The following KLF10 variants were observed in gnomAD, a reference collection of about 807,000 sequenced individuals.
The protein encoded by KLF10 is Krueppel-like factor 10.
Under a neutral mutation model 31.6 loss-of-function variants are expected in KLF10, and 17 were observed. The ratio of observed to expected loss-of-function variants is 0.54; its 90% CI spans 0.37 to 0.81. The LOEUF is 0.81. Among genes scored for constraint, KLF10 ranks in the 30% least tolerant of loss-of-function variants. The probability of loss-of-function intolerance (pLI) is 0.00; values close to 1 mark genes in which losing one functional copy is unlikely to be tolerated. For synonymous variants in KLF10, 239 were observed against 215.1 expected (o/e 1.11, Z -0.97); for missense variants, 525 against 598.1 (o/e 0.88, Z 1.27).
intron 1 of KLF10, among the ~76,000 whole-genome samples, chr8:102,655,281 C>T (rs1284372412): frequency 6.6e-6 from 1 of 152,106 alleles, no homozygotes; most frequent in Non-Finnish European, 1.5e-5. Flanking sequence ...CCTCACCAGC[C>T]CTCTCGGGTC....
At chr8:102,653,599 G>T in intron 1 of KLF10, 1 of 1,368,968 alleles carries the variant, frequency 7.3e-7, no homozygotes. Context: ...TTTCAAAAAT[G>T]CATGATGCCT....
At chr8:102,651,019 C>T in intron 3 of KLF10, 130 bp downstream of exon 3, 1 of 844,042 alleles carries the variant, frequency 1.2e-6, no homozygotes, top group Non-Finnish European at 1.8e-6. Context: ...TTTGGAGGAC[C>T]TTGCACTGGT....
chr8:102,655,693 G>C lies in KLF10; in HGVS notation c.-92C>G. The C allele has an allele frequency of 1.4e-6, 2 of 1,430,284 alleles. No homozygotes were observed. The highest frequency in any genetic ancestry group is 9.7e-7 in the Non-Finnish European group (1 of 1,032,262). 88.6% of individuals were successfully genotyped at this position (1,430,284 alleles called of 1,614,324 possible). A position where few individuals can be genotyped will look rare whatever the true frequency, so the allele number is the denominator to read the frequency against. ...CGGGCGCACGGAGACACTCGACGCCGCTCCCGCCGCCGCCGCGCTCAGCGC... is the reference window on the plus strand; with the variant it reads ...CGGGCGCACGGAGACACTCGACGCCCCTCCCGCCGCCGCCGCGCTCAGCGC... On this transcript the variant is annotated 5_prime_UTR_variant, in exon 1 of 4. Transcript: ENST00000285407.
chr8:102,653,365 TTGA>T (rs1374354360), intron 1 of KLF10: 28 of 1,004,570 alleles, frequency 2.8e-5, no homozygotes, highest in Non-Finnish European at 2.8e-5. Context: ...AAAGAACTGC[TTGA>T]TGACAAAATA....
intron 1 of KLF10, chr8:102,653,919 A>G: frequency 3.0e-6 from 3 of 983,774 alleles, no homozygotes; most frequent in African/African-American, 1.8e-5. Flanking sequence ...GGCGGGGGAG[A>G]TCCTAGCTGG....
At position 102,651,720 on chromosome 8, in the gene KLF10, A is replaced by G; in HGVS notation, c.612T>C (p.Ala204=). The G allele has an allele frequency of 6.2e-7, 1 of 1,614,238 alleles. No individual in the cohort carries two copies. Among genetic ancestry groups the G allele is most frequent in the South Asian group, 1.1e-5 (1 of 91,084 alleles). The change falls in exon 3 of 4, where the codon GCT becomes GCC. Residue 204 remains alanine (A), a synonymous_variant. Coordinates refer to ENST00000285407, the MANE Select transcript of KLF10 (RefSeq NM_005655.4). ...EAARKNIPCA[A]VSPNRSKCER... ...CACATTTGGATCTGTTTGGTGACAC[A>G]GCGGCACATGGTATGTTCTTTCTTG...
rs1827304721 is a variant in KLF10 at position 102,654,320 on chromosome 8, T to C, written c.36+1246A>G. The C allele has an allele frequency of 4.8e-5, 7 of 147,286 alleles. No homozygotes were observed. In the South Asian group the frequency reaches 1.5e-3, roughly 31 times the overall value. The allele number at this position is 147,286 out of a possible 1,614,324, so 9.1% of individuals were successfully genotyped here. On this transcript the variant is annotated intron_variant, in intron 1 of 3. Coordinates refer to ENST00000285407, the MANE Select transcript of KLF10 (RefSeq NM_005655.4). ...AGGGGCGGGGCTGCGGGCGCCAGGC[T>C]CCGGGAGGCGCCCGCCCCTTCCAGC...
chr8:102,651,516 G>T lies in KLF10; in HGVS notation c.816C>A (p.Val272=). The T allele has an allele frequency of 6.2e-7, 1 of 1,613,556 alleles. No homozygotes were observed. The highest frequency in any genetic ancestry group is 1.1e-5 in the South Asian group (1 of 91,044). ...VSAGGVPPMP[V]ICQMVPLPAN... ...CAGGAAGGGGAACCATCTGGCAGAT[G>T]ACCGGCATAGGTGGCACTCCCCCTG... Residue 272 remains valine (V), a synonymous_variant, in exon 3 of 4, where the codon GTC becomes GTA. Transcript: ENST00000285407.
chr8:102,653,484 T>C, intron 1 of KLF10: 1 of 1,549,298 alleles, frequency 6.5e-7, no homozygotes, highest in Non-Finnish European at 8.7e-7. Context: ...TCTCCTATTT[T>C]CCATTAAAAG....
chr8:102,654,360 C>T (rs1213332633), intron 1 of KLF10: 1 of 150,150 alleles, frequency 6.7e-6, no homozygotes, highest in Non-Finnish European at 1.5e-5. Context: ...CGCGAGCCGC[C>T]GTTCCCTTAG....
chr8:102,650,012 G>T lies in KLF10; in HGVS notation c.*120C>A. 1.5e-6 allele frequency: 2 copies of T among 1,332,584 alleles called. No homozygotes were observed. The highest frequency in any genetic ancestry group is 2.0e-6 in the Non-Finnish European group (2 of 983,036). The allele number at this position is 1,332,584 out of a possible 1,614,324, so 82.5% of individuals were successfully genotyped here. ...CCAGGCGGGGCCTTCGTGCCAGGCT[G>T]TGGGGCTTCTGCTTTAAGCCCACGT... On this transcript the variant is annotated 3_prime_UTR_variant, in exon 4 of 4. Coordinates refer to ENST00000285407, the MANE Select transcript of KLF10 (RefSeq NM_005655.4).
chr8:102,653,722 T>G, intron 1 of KLF10: 2 of 1,193,172 alleles, frequency 1.7e-6, no homozygotes, highest in Middle Eastern at 3.3e-4. Context: ...CGCGTGTGTG[T>G]AACAGCCCCA....
chr8:102,653,827 A>C (rs1827280518), intron 1 of KLF10: 1 of 1,020,302 alleles, frequency 9.8e-7, no homozygotes, highest in Admixed American at 4.6e-5. Flanking sequence ...GGAGGGGAGG[A>C]AAGGGAGTGG....
rs1563959741 is a variant in KLF10, at chr8:102,651,178, TG to T, written c.1153del (p.His385IlefsTer2). On this transcript the variant is annotated frameshift_variant, in exon 3 of 4. Coordinates refer to ENST00000285407, the MANE Select transcript of KLF10 (RefSeq NM_005655.4). LOFTEE classifies it high-confidence loss of function. ...GCGKTYFKSS[H>X]LKAHTRTHTG... ...GTGCGTCCTCGTGTGGGCCTTCAGA[TG>T]GGAACTTTTAAAGTATGTCTTGCCA... 6.6e-7 allele frequency: 1 copy of T among 1,510,842 alleles called. No individual in the cohort carries two copies. Among genetic ancestry groups the T allele is most frequent in the Non-Finnish European group, 8.9e-7 (1 of 1,128,612 alleles). 93.6% of individuals were successfully genotyped at this position (1,510,842 alleles called of 1,614,324 possible). A position where few individuals can be genotyped will look rare whatever the true frequency, so the allele number is the denominator to read the frequency against.
chr8:102,649,433 A>T lies in KLF10; in HGVS notation c.*699T>A, dbSNP rs1167744867. 3.3e-5 allele frequency: 5 copies of T among 152,322 alleles called. No homozygotes were observed. The highest frequency in any genetic ancestry group is 4.8e-5 in the African/African-American group (2 of 41,468). 9.4% of individuals were successfully genotyped at this position (152,322 alleles called of 1,614,324 possible). On this transcript the variant is annotated 3_prime_UTR_variant, in exon 4 of 4. Coordinates refer to ENST00000285407, the MANE Select transcript of KLF10 (RefSeq NM_005655.4). ...AAAGCATAATGAAATGCCTAGATAC[A>T]GTCATTTGTTAAACTTTCAAAACAA...
chr8:102,650,512 G>A lies in KLF10; in HGVS notation c.1184-121C>T, dbSNP rs1479126667. 3 of 1,028,104 alleles carry A rather than the reference G, an allele frequency of 2.9e-6. No individual in the cohort carries two copies. In the African/African-American group the frequency reaches 4.9e-5, roughly 17 times the overall value. 63.7% of individuals were successfully genotyped at this position (1,028,104 alleles called of 1,614,324 possible). A position where few individuals can be genotyped will look rare whatever the true frequency, so the allele number is the denominator to read the frequency against. ...ATAATAAAAGCTAATAAATCAAACT[G>A]TCAAATGAATATGAGATATGTATTG... is the stretch of plus-strand genomic sequence containing the variant. On this transcript the variant is annotated intron_variant, in intron 3 of 3. Transcript: ENST00000285407.
At chr8:102,655,488 G>C (rs934922256) in intron 1 of KLF10, 78 bp downstream of exon 1, 37 of 1,566,180 alleles carry the variant, frequency 2.4e-5, no homozygotes, top group Non-Finnish European at 3.1e-5. Flanking sequence ...TGATGTCCGG[G>C]GCTCGGGGTT....
Position 102,655,568 on chromosome 8 carries a change from C to G in KLF10, c.34G>C (p.Ala12Pro), listed in dbSNP as rs1324672658. The G allele has an allele frequency of 6.2e-7, 1 of 1,614,060 alleles. No individual in the cohort carries two copies. Among genetic ancestry groups the G allele is most frequent in the Admixed American group, 1.7e-5 (1 of 60,012 alleles). The change falls in exon 1 of 4, where the codon GCG (alanine) becomes CCG (proline). Residue 12 changes from alanine (A) to proline (P), a missense_variant and splice_region_variant. Ala to Pro is a conservative substitution (Grantham distance 27, BLOSUM62 -1). Around this residue, in one of 3 missense-constraint regions of KLF10, gnomAD observed 434 missense variants for 450.7 expected, o/e 0.96. Transcript: ENST00000285407. The part of the protein sequence containing the change: ...LNFGASLQQT[A>P]EERMEMISER... Reference sequence around the variant, plus strand: ...AGGGGCATCCCCAAATGACTTACCGCAGTCTGCTGGAGAGAGGCACCGAAG... The same window carrying G: ...AGGGGCATCCCCAAATGACTTACCGGAGTCTGCTGGAGAGAGGCACCGAAG...
intron 1 of KLF10, chr8:102,653,447 T>TA (rs557435902): frequency 4.6e-4 from 675 of 1,464,184 alleles, no homozygotes; most frequent in Admixed American, 1.1e-3. Context: ...TGAACTACGC[T>TA]AAAAAAAAAT....
Sources: allele counts gnomAD v4.1 joint callset (sites outside exome capture counted in the v4.1 genomes callset), GRCh38; gene constraint gnomAD v4.1.1; regional missense constraint gnomAD v4.1.1; transcripts MANE v1.5; gene names NCBI Gene and HGNC (gene_info 2026-07-23, HGNC 2026-07-21).